The following DPP6 variants were observed in gnomAD, a reference collection of about 807,000 sequenced individuals.
DPP6 encodes A-type potassium channel modulatory protein DPP6.
DPP6 carries 69 observed loss-of-function variants against 122.6 expected under a neutral mutation model. The observed-to-expected ratio is 0.56, with a 90% confidence interval of 0.46 to 0.69. The LOEUF is 0.69. DPP6 is among the 30% of genes least tolerant of loss of function. DPP6 has a pLI of 0.00. For synonymous variants in DPP6, 418 were observed against 433.1 expected (o/e 0.97, Z 0.43); for missense variants, 928 against 1,116.9 (o/e 0.83, Z 2.41).
At chr7:154,706,282 C>T (rs1178987133) in intron 7 of DPP6, among the ~76,000 whole-genome samples, 2 of 152,188 alleles carry the variant, frequency 1.3e-5, no homozygotes, top group Non-Finnish European at 2.9e-5. Flanking sequence ...CCTCGGTGAA[C>T]GTGGCTCCCT....
At chr7:154,775,086 T>A (rs1796481351) in intron 10 of DPP6, among the ~76,000 whole-genome samples, 1 of 152,178 alleles carries the variant, frequency 6.6e-6, no homozygotes, top group Non-Finnish European at 1.5e-5. Context: ...CCCCCTCCAG[T>A]TGTGACCATC....
chr7:154,387,678 T>A (rs1256633370), intron 1 of DPP6, among the ~76,000 whole-genome samples: 4 of 152,170 alleles, frequency 2.6e-5, no homozygotes, highest in Non-Finnish European at 5.9e-5. Context: ...TCCAGTCCTC[T>A]ACAGCCTCCC....
chr7:153,798,812 G>T, the DPP6 span, among the ~76,000 whole-genome samples: 1 of 152,176 alleles, frequency 6.6e-6, no homozygotes, highest in Non-Finnish European at 1.5e-5. Flanking sequence ...GTCCCACTGG[G>T]GGGTGATGGA....
intron 8 of DPP6, among the ~76,000 whole-genome samples, chr7:154,768,950 T>C (rs1244718884): frequency 5.3e-5 from 8 of 152,204 alleles, no homozygotes; most frequent in Non-Finnish European, 8.8e-5. Flanking sequence ...TGGTCTGCTT[T>C]TGGGCGACTC....
At chr7:153,997,041 C>T (rs2129044445) in intron 1 of DPP6, among the ~76,000 whole-genome samples, 1 of 152,280 alleles carries the variant, frequency 6.6e-6, no homozygotes, top group East Asian at 1.9e-4. Flanking sequence ...CTCTCTCTCT[C>T]TCTCTCTCTC....
intron 10 of DPP6, among the ~76,000 whole-genome samples, chr7:154,780,143 T>C (rs923358536): frequency 6.6e-6 from 1 of 152,188 alleles, no homozygotes; most frequent in Non-Finnish European, 1.5e-5. Flanking sequence ...GCAGGGTCTT[T>C]GTTATTCATT....
chr7:154,883,853 T>TCC lies in DPP6; in HGVS notation c.2134-1779_2134-1778insCC, dbSNP rs201751181. On this transcript the variant is annotated intron_variant, in intron 21 of 25. Coordinates refer to ENST00000377770, the MANE Select transcript of DPP6 (RefSeq NM_130797.4). Reference sequence around the variant, plus strand: ...CACCTGCTCACCCATACACACATGCTCACATGATTACACATGCTCCCACAT... The same window carrying TCC: ...CACCTGCTCACCCATACACACATGCTCCCACATGATTACACATGCTCCCACAT... The TCC allele has an allele frequency of 1.3e-3, 149 of 112,328 alleles. 1 individual carries two copies. The highest frequency in any genetic ancestry group is 7.8e-3 in the Middle Eastern group (1 of 128). 7.0% of individuals were successfully genotyped at this position (112,328 alleles called of 1,614,324 possible).
At chr7:153,916,516 A>G (rs968035658) in intron 1 of DPP6, among the ~76,000 whole-genome samples, 1 of 150,204 alleles carries the variant, frequency 6.7e-6, no homozygotes, top group African/African-American at 2.5e-5. Context: ...GGTTCAAGCA[A>G]TTCTGCCTCA....
intron 3 of DPP6, among the ~76,000 whole-genome samples, chr7:154,524,468 A>T (rs1168966642): frequency 6.6e-6 from 1 of 152,152 alleles, no homozygotes. Context: ...GTGGTTAGGG[A>T]ACTCCACGTA....
intron 1 of DPP6, among the ~76,000 whole-genome samples, chr7:154,428,963 G>A (rs919970714): frequency 4.6e-5 from 7 of 151,942 alleles, no homozygotes; most frequent in East Asian, 3.9e-4. Context: ...CTTCATCCAC[G>A]TAACCAAAAA....
chr7:154,220,995 A>G (rs563590083), intron 1 of DPP6, among the ~76,000 whole-genome samples: 237 of 152,288 alleles, frequency 1.6e-3, no homozygotes, highest in African/African-American at 5.4e-3. Context: ...TAACATGTAC[A>G]GGTCTTGATT....
the DPP6 span, among the ~76,000 whole-genome samples, chr7:153,867,240 C>A: frequency 6.6e-6 from 1 of 152,100 alleles, no homozygotes; most frequent in Admixed American, 6.6e-5. Context: ...TTACCTTGGG[C>A]AGTATGGCCA....
intron 1 of DPP6, among the ~76,000 whole-genome samples, chr7:153,943,434 A>G (rs1049717637): frequency 7.2e-5 from 11 of 152,222 alleles, no homozygotes. Context: ...CTTCCAGTCC[A>G]AATTCCATCA....
chr7:154,449,512 G>T (rs1820168882), intron 2 of DPP6, among the ~76,000 whole-genome samples: 1 of 152,026 alleles, frequency 6.6e-6, no homozygotes, highest in Admixed American at 6.6e-5. Flanking sequence ...TGGCCTCTGT[G>T]GAAAATAGTT....
At chr7:154,611,150 G>A (rs527309834) in intron 5 of DPP6, among the ~76,000 whole-genome samples, 1 of 152,194 alleles carries the variant, frequency 6.6e-6, no homozygotes, top group South Asian at 2.1e-4. Context: ...TTGTTACCTC[G>A]TGTCTTCTGA....
At chr7:154,583,958 T>C (rs919885227) in intron 5 of DPP6, among the ~76,000 whole-genome samples, 7 of 152,208 alleles carry the variant, frequency 4.6e-5, no homozygotes, top group Non-Finnish European at 8.8e-5. Flanking sequence ...TCTGTCTCCC[T>C]GGCCCAGGCA....
intron 1 of DPP6, among the ~76,000 whole-genome samples, chr7:154,379,082 G>A (rs935910944): frequency 8.5e-5 from 13 of 152,096 alleles, no homozygotes; most frequent in Admixed American, 7.9e-4. Context: ...ACATCACATT[G>A]GGTGTTATGA....
At chr7:154,550,208 ACT>A (rs1273382413) in intron 4 of DPP6, among the ~76,000 whole-genome samples, 3 of 152,220 alleles carry the variant, frequency 2.0e-5, no homozygotes, top group Non-Finnish European at 4.4e-5. Context: ...ATTTCAAGTT[ACT>A]TCCTTGTTAA....
rs147954292 is a variant in DPP6, at chr7:154,491,959, A to G, written c.457+16922A>G. The stretch of plus-strand genomic sequence containing the variant: ...AAGCTCAGTAGCTCAAGGATCCCAT[A>G]ATGTTACCAAAAAAGACTAAGATCT... On this transcript the variant is annotated intron_variant, in intron 3 of 25. Transcript: ENST00000377770. Among the ~76,000 whole-genome samples the G allele has an allele frequency of 2.9e-3, 448 of 152,264 alleles. 1 individual carries two copies. The highest frequency in any genetic ancestry group is 0.01 in the African/African-American group (424 of 41,548).
Sources: allele counts gnomAD v4.1 joint callset (sites outside exome capture counted in the v4.1 genomes callset), GRCh38; gene constraint gnomAD v4.1.1; transcripts MANE v1.5; gene names NCBI Gene and HGNC (gene_info 2026-07-23, HGNC 2026-07-21).